The following ROBO2 variants were observed in gnomAD, a reference collection of about 807,000 sequenced individuals.
The protein encoded by ROBO2 is roundabout guidance receptor 2.
A neutral mutation model predicts 160.8 loss-of-function variants in ROBO2; 53 were observed. The ratio of observed to expected loss-of-function variants is 0.33; its 90% CI spans 0.26 to 0.41. ROBO2 has a LOEUF of 0.41. Ranked by LOEUF, ROBO2 falls within the 10% of genes least tolerant of loss-of-function variation. ROBO2 has a pLI of 1.00. For synonymous variants in ROBO2, 664 were observed against 611.7 expected, an observed-to-expected ratio of 1.09 and a Z score of -1.26; for missense variants, 1,577 against 1,722.4, an observed-to-expected ratio of 0.92 and a Z score of 1.49.
chr3:76,426,744 C>CAA (rs80170749), intron 2 of ROBO2, among the ~76,000 whole-genome samples: 9,174 of 151,890 alleles, frequency 0.06, 605 homozygotes, highest in East Asian at 0.3. Context: ...TAGTAGATTT[C>CAA]AAAGAAAGGG....
intron 2 of ROBO2, among the ~76,000 whole-genome samples, chr3:76,395,771 G>C (rs1255044389): frequency 6.6e-6 from 1 of 152,110 alleles, no homozygotes; most frequent in Non-Finnish European, 1.5e-5. Flanking sequence ...GACTAAACCA[G>C]GAAGAAGTTG....
intron 2 of ROBO2, among the ~76,000 whole-genome samples, chr3:76,752,276 C>T (rs867068480): frequency 5.3e-5 from 7 of 131,236 alleles, no homozygotes; most frequent in South Asian, 2.8e-4. Context: ...CATCACACAC[C>T]GGGGCCTGTA....
intron 2 of ROBO2, among the ~76,000 whole-genome samples, chr3:77,278,514 T>C (rs2060038391): frequency 6.6e-6 from 1 of 152,198 alleles, no homozygotes; most frequent in East Asian, 1.9e-4. Flanking sequence ...TGAGAAATTA[T>C]GAATTATTAT....
At chr3:76,323,176 C>CACACACACACACACACACACACA (rs1559763162) in intron 2 of ROBO2, among the ~76,000 whole-genome samples, 1 of 143,764 alleles carries the variant, frequency 7.0e-6, no homozygotes, top group Non-Finnish European at 1.5e-5. Context: ...CACACACACA[C>CACACACACACACACACACACACA]CCCTAAAGGC....
chr3:77,469,515 T>C (rs907988734), intron 2 of ROBO2, among the ~76,000 whole-genome samples: 8 of 152,242 alleles, frequency 5.3e-5, no homozygotes, highest in African/African-American at 1.7e-4. Context: ...GAATAATCTG[T>C]GGTAGTTTTA....
At chr3:77,316,932 C>T (rs2064055184) in intron 2 of ROBO2, 1 of 1,261,506 alleles carries the variant, frequency 7.9e-7, no homozygotes, top group Admixed American at 1.7e-5. Flanking sequence ...CAGTCTGATA[C>T]TTGGCTGCTG....
Position 77,308,834 on chromosome 3 carries a change from A to T in ROBO2, c.389-168580A>T, listed in dbSNP as rs546543456. On this transcript the variant is annotated intron_variant, in intron 2 of 25. Coordinates refer to ENST00000461745, the Ensembl canonical transcript of ROBO2. ...CTCAGATTCTAACTTGTACTTAGAG[A>T]AGTTAAATAACTGACTATATAGATA... Among the ~76,000 whole-genome samples, 6 of 152,314 alleles carry T rather than the reference A, an allele frequency of 3.9e-5. No homozygotes were observed. The South Asian group carries it at 1.2e-3, about 32-fold the overall frequency.
At chr3:77,199,379 G>A (rs886273399) in intron 2 of ROBO2, among the ~76,000 whole-genome samples, 5 of 152,202 alleles carry the variant, frequency 3.3e-5, no homozygotes, top group African/African-American at 1.2e-4. Context: ...CTTGCAGATG[G>A]TAGGAGCAGA....
intron 2 of ROBO2, among the ~76,000 whole-genome samples, chr3:76,837,862 G>A (rs1215511697): frequency 6.6e-6 from 1 of 151,676 alleles, no homozygotes; most frequent in Non-Finnish European, 1.5e-5. Flanking sequence ...ACCTCTAATG[G>A]CATTTGTTTT....
At chr3:76,538,257 A>T (rs571705975) in intron 2 of ROBO2, among the ~76,000 whole-genome samples, 1 of 152,246 alleles carries the variant, frequency 6.6e-6, no homozygotes, top group African/African-American at 2.4e-5. Flanking sequence ...TTAACTGTGT[A>T]CAAACTCAAA....
At chr3:76,552,463 T>C (rs2083476260) in intron 2 of ROBO2, among the ~76,000 whole-genome samples, 1 of 152,216 alleles carries the variant, frequency 6.6e-6, no homozygotes, top group African/African-American at 2.4e-5. Flanking sequence ...AACCAGCTTC[T>C]CTCCTTTTCA....
At chr3:77,093,254 T>G (rs2070564484) in intron 1 of ROBO2, among the ~76,000 whole-genome samples, 1 of 152,178 alleles carries the variant, frequency 6.6e-6, no homozygotes, top group African/African-American at 2.4e-5. Context: ...CACCTTTGGA[T>G]CATGCTTTTG....
chr3:77,213,875 G>A (rs1325422695), intron 2 of ROBO2, among the ~76,000 whole-genome samples: 1 of 152,156 alleles, frequency 6.6e-6, no homozygotes, highest in African/African-American at 2.4e-5. Context: ...TGGTTTCCAT[G>A]TAGTTGAGCG....
At chr3:76,001,101 G>A (rs895375424) in intron 2 of ROBO2, among the ~76,000 whole-genome samples, 5 of 151,174 alleles carry the variant, frequency 3.3e-5, no homozygotes, top group Non-Finnish European at 5.9e-5. Flanking sequence ...AATCTGTCTC[G>A]CTTTTCATTG....
At chr3:76,574,852 G>A (rs1330779076) in intron 2 of ROBO2, among the ~76,000 whole-genome samples, 5 of 152,028 alleles carry the variant, frequency 3.3e-5, no homozygotes, top group Admixed American at 1.3e-4. Context: ...TGCCGCCAGT[G>A]CTGCTGGTCC....
At chr3:76,517,267 T>G (rs376890937) in intron 2 of ROBO2, among the ~76,000 whole-genome samples, 1 of 152,202 alleles carries the variant, frequency 6.6e-6, no homozygotes, top group South Asian at 2.1e-4. Flanking sequence ...CACTTCATTC[T>G]GACAATAGAA....
intron 2 of ROBO2, among the ~76,000 whole-genome samples, chr3:76,422,487 C>G (rs181057045): frequency 7.7e-4 from 118 of 152,290 alleles, no homozygotes; most frequent in Admixed American, 2.0e-3. Flanking sequence ...AACTTCTCAA[C>G]AAAGATTAAA....
chr3:76,958,031 C>A (rs2079401182), intron 2 of ROBO2, among the ~76,000 whole-genome samples: 1 of 152,154 alleles, frequency 6.6e-6, no homozygotes, highest in Non-Finnish European at 1.5e-5. Context: ...TTCCTGGGAA[C>A]CTTCCTTCAA....
intron 2 of ROBO2, among the ~76,000 whole-genome samples, chr3:77,159,220 C>A (rs1174897876): frequency 6.6e-6 from 1 of 152,102 alleles, no homozygotes; most frequent in Non-Finnish European, 1.5e-5. Flanking sequence ...TAACATTGTT[C>A]TCATGCAAAT....
Sources: gnomAD v4.1 joint callset for allele counts (sites outside exome capture counted in the v4.1 genomes callset) on GRCh38, gnomAD v4.1.1 for gene constraint, MANE v1.5 for transcripts, NCBI Gene and HGNC (gene_info 2026-07-23, HGNC 2026-07-21) for gene names.